ATP6V1C1: variants seen among roughly 807,000 people sequenced by gnomAD.
ATP6V1C1 encodes ATPase H+ transporting V1 subunit C1.
A neutral mutation model predicts 53.9 loss-of-function variants in ATP6V1C1; 45 were observed. The observed-to-expected ratio is 0.83, with a 90% CI of 0.66 to 1.07. The LOEUF is 1.07. Ranked by LOEUF, ATP6V1C1 falls within the 50% of genes least tolerant of loss-of-function variation. The pLI is 0.00. For synonymous variants in ATP6V1C1, 153 were observed against 155.2 expected, an observed-to-expected ratio of 0.99 and a Z score of 0.11; for missense variants, 315 against 440.3, an observed-to-expected ratio of 0.72 and a Z score of 2.55.
intron 8 of ATP6V1C1, among the ~76,000 whole-genome samples, chr8:103,061,260 A>G (rs1467668900): frequency 6.6e-6 from 1 of 151,940 alleles, no homozygotes; most frequent in Non-Finnish European, 1.5e-5. Flanking sequence ...GATTACAGTG[A>G]TCAGTACTCC....
intron 8 of ATP6V1C1, among the ~76,000 whole-genome samples, chr8:103,061,162 G>GC (rs1190928155): frequency 6.6e-6 from 1 of 152,148 alleles, no homozygotes; most frequent in Non-Finnish European, 1.5e-5. Context: ...GACACCAGGA[G>GC]CAAGAATTAA....
At chr8:103,029,071 C>T (rs961355015) in intron 1 of ATP6V1C1, among the ~76,000 whole-genome samples, 3 of 151,760 alleles carry the variant, frequency 2.0e-5, no homozygotes, top group Non-Finnish European at 2.9e-5. Flanking sequence ...CATTCATAAT[C>T]ACTCCCAAGA....
chr8:103,049,932 G>A (rs1485822809), intron 4 of ATP6V1C1, among the ~76,000 whole-genome samples: 1 of 152,056 alleles, frequency 6.6e-6, no homozygotes, highest in African/African-American at 2.4e-5. Context: ...ACTCTAGTCT[G>A]GGTGACAGAG....
chr8:103,047,430 GCACACACACA>G (rs546475923), intron 3 of ATP6V1C1, among the ~76,000 whole-genome samples: 5 of 104,944 alleles, frequency 4.8e-5, no homozygotes, highest in East Asian at 2.7e-4. Flanking sequence ...AAATGCGCGC[GCACACACACA>G]CACACACACA....
chr8:103,043,962 C>T (rs995166048), intron 3 of ATP6V1C1, among the ~76,000 whole-genome samples: 1 of 152,176 alleles, frequency 6.6e-6, no homozygotes, highest in Non-Finnish European at 1.5e-5. Context: ...GATGTTGGCT[C>T]ACTGCAGCCT....
chr8:103,069,026 T>A lies in ATP6V1C1; in HGVS notation c.*279T>A. 1 of 200,080 alleles carries A rather than the reference T, an allele frequency of 5.0e-6. No homozygotes were observed. Among genetic ancestry groups the A allele is most frequent in the Non-Finnish European group, 9.9e-6 (1 of 100,604 alleles). 12.4% of individuals were successfully genotyped at this position (200,080 alleles called of 1,614,324 possible). ...TAGTTTATTTAAAGAGAAGGTCTCT[T>A]CCTTATTGATATCATGGTATGCATT... On this transcript the variant is annotated 3_prime_UTR_variant, in exon 13 of 13. Coordinates refer to ENST00000518738, the MANE Select transcript of ATP6V1C1 (RefSeq NM_001695.5).
intron 1 of ATP6V1C1, among the ~76,000 whole-genome samples, chr8:103,032,597 C>T (rs890566240): frequency 3.9e-5 from 6 of 152,120 alleles, no homozygotes; most frequent in African/African-American, 1.4e-4. Context: ...TGTGCCTCAG[C>T]CTCATATGTA....
intron 1 of ATP6V1C1, among the ~76,000 whole-genome samples, chr8:103,025,471 ATATTT>A (rs1816680312): frequency 6.6e-6 from 1 of 152,258 alleles, no homozygotes; most frequent in Non-Finnish European, 1.5e-5. Flanking sequence ...GTTAAAAGTA[ATATTT>A]TAATAAACTG....
At chr8:103,044,285 T>A (rs1817056180) in intron 3 of ATP6V1C1, among the ~76,000 whole-genome samples, 1 of 152,254 alleles carries the variant, frequency 6.6e-6, no homozygotes, top group Non-Finnish European at 1.5e-5. Context: ...TTTGGCATCA[T>A]ATCTAAGACA....
At position 103,040,864 on chromosome 8, in the gene ATP6V1C1, C is replaced by A; in HGVS notation, c.28C>A (p.Pro10Thr). 6.2e-7 allele frequency: 1 copy of A among 1,614,036 alleles called. No individual in the cohort carries two copies. Among genetic ancestry groups the A allele is most frequent in the Non-Finnish European group, 8.5e-7 (1 of 1,179,966 alleles). The change falls in exon 2 of 13, where the codon CCT becomes ACT. Residue 10 changes from proline (P) to threonine (T), a missense_variant. Transcript: ENST00000518738. Reference sequence around the variant, plus strand: ...GACTGAGTTCTGGCTTATATCTGCTCCTGGGGAGAAAACCTGTCAGCAAAC... The same window carrying A: ...GACTGAGTTCTGGCTTATATCTGCTACTGGGGAGAAAACCTGTCAGCAAAC... Reference protein sequence around the residue: MTEFWLISAPGEKTCQQTWE... With the variant: MTEFWLISATGEKTCQQTWE...
intron 12 of ATP6V1C1, among the ~76,000 whole-genome samples, chr8:103,067,118 G>C (rs535456878): frequency 6.6e-6 from 1 of 151,666 alleles, no homozygotes. Flanking sequence ...GTAGTGGGCC[G>C]CTGGGCGTGG....
intron 1 of ATP6V1C1, among the ~76,000 whole-genome samples, chr8:103,031,907 A>G (rs1344117326): frequency 4.6e-5 from 7 of 152,212 alleles, no homozygotes; most frequent in Non-Finnish European, 1.0e-4. Flanking sequence ...AAAACTATGA[A>G]TGGATCCAAG....
chr8:103,056,557 A>T (rs1477610282), intron 8 of ATP6V1C1, among the ~76,000 whole-genome samples: 2 of 152,232 alleles, frequency 1.3e-5, no homozygotes, highest in Non-Finnish European at 2.9e-5. Flanking sequence ...AAGGAAGAAG[A>T]AGTTAAAATG....
intron 4 of ATP6V1C1, 47 bp downstream of exon 4, chr8:103,049,002 ATAAC>A: frequency 2.0e-6 from 3 of 1,538,154 alleles, no homozygotes; most frequent in Non-Finnish European, 2.7e-6. Context: ...TACAAAGCAA[ATAAC>A]TAAGCTACAG....
chr8:103,064,856 AT>A (rs1817461631), intron 11 of ATP6V1C1, 45 bp downstream of exon 11: 1 of 1,538,798 alleles, frequency 6.5e-7, no homozygotes, highest in Admixed American at 1.8e-5. Flanking sequence ...GAGTTCATAG[AT>A]TCCTTACATT....
intron 3 of ATP6V1C1, among the ~76,000 whole-genome samples, chr8:103,043,208 C>T (rs77643578): frequency 0.019 from 2,832 of 152,246 alleles, 73 homozygotes; most frequent in African/African-American, 0.064. Context: ...GTAATATTCC[C>T]GCCGGCAGTG....
chr8:103,047,406 TAA>T (rs35561690), intron 3 of ATP6V1C1, among the ~76,000 whole-genome samples: 70 of 109,594 alleles, frequency 6.4e-4, no homozygotes, highest in Non-Finnish European at 8.0e-4. Context: ...GACTCTCTCT[TAA>T]AAAAAAAAAA....
Position 103,071,576 on chromosome 8 carries a change from T to A in ATP6V1C1, c.*2829T>A, listed in dbSNP as rs1250660560. On this transcript the variant is annotated 3_prime_UTR_variant, in exon 13 of 13. Transcript: ENST00000518738. ...TAGGAAAGATATTCGGTATGGAGAATCAGATGTTAACTTGTGTTGCTATTT... is the reference window on the plus strand; with the variant it reads ...TAGGAAAGATATTCGGTATGGAGAAACAGATGTTAACTTGTGTTGCTATTT... 6.6e-6 allele frequency: 1 copy of A among 152,398 alleles called. No homozygotes were observed. Among genetic ancestry groups the A allele is most frequent in the Non-Finnish European group, 1.5e-5 (1 of 68,184 alleles). The allele number at this position is 152,398 out of a possible 1,614,324, so 9.4% of individuals were successfully genotyped here.
intron 7 of ATP6V1C1, among the ~76,000 whole-genome samples, 154 bp downstream of exon 7, chr8:103,054,136 A>C (rs1817248121): frequency 6.6e-6 from 1 of 152,042 alleles, no homozygotes; most frequent in Non-Finnish European, 1.5e-5. Context: ...CATGTGGCAC[A>C]TAAAGTAGAA....
Sources: gnomAD v4.1 joint callset for allele counts (sites outside exome capture counted in the v4.1 genomes callset) on GRCh38, gnomAD v4.1.1 for gene constraint, MANE v1.5 for transcripts, NCBI Gene and HGNC (gene_info 2026-07-23, HGNC 2026-07-21) for gene names.